The following GSK3B variants were observed in gnomAD, a reference collection of about 807,000 sequenced individuals.
GSK3B encodes glycogen synthase kinase-3 beta.
A neutral mutation model predicts 56.4 loss-of-function variants in GSK3B; 15 were observed. The ratio of observed to expected loss-of-function variants is 0.27; its 90% confidence interval spans 0.18 to 0.41. The LOEUF is 0.41. Among genes scored for constraint, GSK3B ranks in the 10% least tolerant of loss-of-function variants. The probability of loss-of-function intolerance (pLI) is 1.00; values close to 1 mark genes in which losing one functional copy is unlikely to be tolerated. For synonymous variants in GSK3B, 181 were observed against 188.9 expected (o/e 0.96, Z 0.34); for missense variants, 300 against 513.4 (o/e 0.58, Z 4.02).
At chr3:119,950,796 T>C (rs1421101278) in intron 2 of GSK3B, among the ~76,000 whole-genome samples, 2 of 152,170 alleles carry the variant, frequency 1.3e-5, no homozygotes, top group Non-Finnish European at 2.9e-5. Context: ...CTGCTAGATA[T>C]GACAGAACAG....
At position 120,093,755 on chromosome 3, in the gene GSK3B, C is replaced by T. The variant is rs1158256198; in HGVS notation, c.-321G>A. ...GCAAATCCTAAAAAAATATGTATCA[C>T]GTGAAACGGGGGCAAATACTTGATT... On this transcript the variant is annotated 5_prime_UTR_variant, in exon 1 of 11. The change creates a new upstream start codon in the 5' untranslated region. Coordinates refer to ENST00000264235, the MANE Select transcript of GSK3B (RefSeq NM_001146156.2). 2 of 291,596 alleles carry T rather than the reference C, an allele frequency of 6.9e-6. No individual in the cohort carries two copies. The highest frequency in any genetic ancestry group is 1.3e-5 in the Non-Finnish European group (2 of 155,976). The allele number at this position is 291,596 out of a possible 1,614,324, so 18.1% of individuals were successfully genotyped here.
At chr3:120,015,182 C>T (rs1006356577) in intron 1 of GSK3B, among the ~76,000 whole-genome samples, 1 of 152,132 alleles carries the variant, frequency 6.6e-6, no homozygotes, top group Non-Finnish European at 1.5e-5. Flanking sequence ...TTAGTGGGTG[C>T]TCAATAAATT....
intron 2 of GSK3B, among the ~76,000 whole-genome samples, chr3:119,954,359 G>C (rs1332463522): frequency 1.3e-5 from 2 of 152,130 alleles, no homozygotes; most frequent in Non-Finnish European, 2.9e-5. Context: ...GGAGGAATAA[G>C]AATAGAATAG....
At chr3:120,027,718 T>C (rs2057939971) in intron 1 of GSK3B, among the ~76,000 whole-genome samples, 2 of 152,206 alleles carry the variant, frequency 1.3e-5, no homozygotes, top group Non-Finnish European at 1.5e-5. Context: ...CAAATTGCTA[T>C]ATATTGTGAT....
At chr3:120,039,826 A>G (rs1361260033) in intron 1 of GSK3B, among the ~76,000 whole-genome samples, 1 of 152,196 alleles carries the variant, frequency 6.6e-6, no homozygotes. Context: ...CTTCTGCAGA[A>G]GTAAATTGCC....
chr3:120,077,731 T>C (rs1019184040), intron 1 of GSK3B, among the ~76,000 whole-genome samples: 9 of 152,148 alleles, frequency 5.9e-5, no homozygotes, highest in African/African-American at 1.9e-4. Context: ...TATTATAATA[T>C]GTATCATATT....
intron 7 of GSK3B, among the ~76,000 whole-genome samples, chr3:119,901,443 T>G (rs1486279810): frequency 1.3e-5 from 2 of 152,214 alleles, no homozygotes; most frequent in Non-Finnish European, 2.9e-5. Flanking sequence ...AAATCTGTTC[T>G]TATACTTTTA....
At chr3:119,928,985 CT>C (rs1328479280) in intron 3 of GSK3B, among the ~76,000 whole-genome samples, 5 of 152,132 alleles carry the variant, frequency 3.3e-5, no homozygotes, top group East Asian at 3.9e-4. Flanking sequence ...AATTAGTTAT[CT>C]TTTTTTCTTT....
intron 7 of GSK3B, among the ~76,000 whole-genome samples, chr3:119,882,111 GT>G (rs2056385370): frequency 6.6e-6 from 1 of 151,102 alleles, no homozygotes; most frequent in Non-Finnish European, 1.5e-5. Flanking sequence ...AATGTATAAT[GT>G]AAAAGTCAGG....
intron 2 of GSK3B, among the ~76,000 whole-genome samples, chr3:119,992,450 A>G (rs1174711325): frequency 1.3e-5 from 2 of 152,108 alleles, no homozygotes; most frequent in East Asian, 3.8e-4. Context: ...TCATACCATA[A>G]TAGGAATAAA....
chr3:119,948,284 A>C (rs1438776810), intron 2 of GSK3B, among the ~76,000 whole-genome samples: 1 of 152,212 alleles, frequency 6.6e-6, no homozygotes, highest in African/African-American at 2.4e-5. Flanking sequence ...AAAGAGGCCA[A>C]GAAGGATGGG....
chr3:120,026,389 T>C (rs1213920100), intron 1 of GSK3B, among the ~76,000 whole-genome samples: 1 of 152,128 alleles, frequency 6.6e-6, no homozygotes, highest in Non-Finnish European at 1.5e-5. Context: ...TCTATAGTAG[T>C]TGTTCTCAAC....
chr3:119,891,531 A>G (rs1033420173), intron 7 of GSK3B, among the ~76,000 whole-genome samples: 1 of 152,288 alleles, frequency 6.6e-6, no homozygotes, highest in Non-Finnish European at 1.5e-5. Context: ...TTTTATAGAT[A>G]AAAAAGATGT....
At chr3:119,985,083 C>T (rs1457451957) in intron 2 of GSK3B, among the ~76,000 whole-genome samples, 3 of 152,142 alleles carry the variant, frequency 2.0e-5, no homozygotes, top group Admixed American at 1.3e-4. Context: ...GAACCAAAGA[C>T]AAAAACCACA....
At chr3:120,013,553 G>C (rs550028373) in intron 1 of GSK3B, among the ~76,000 whole-genome samples, 1 of 152,266 alleles carries the variant, frequency 6.6e-6, no homozygotes, top group Admixed American at 6.5e-5. Context: ...TTCACCTCAA[G>C]AATGAAGTCT....
At chr3:119,875,160 C>T (rs1342408218) in intron 8 of GSK3B, among the ~76,000 whole-genome samples, 1 of 151,884 alleles carries the variant, frequency 6.6e-6, no homozygotes, top group Non-Finnish European at 1.5e-5. Flanking sequence ...AATTCTGGCA[C>T]TAAAATACTA....
At chr3:119,832,466 G>C (rs994364379) in intron 10 of GSK3B, among the ~76,000 whole-genome samples, 3 of 152,180 alleles carry the variant, frequency 2.0e-5, no homozygotes, top group Admixed American at 2.0e-4. Flanking sequence ...TAAATGTTGG[G>C]GGGGTAAACT....
At chr3:120,069,571 C>T (rs543271148) in intron 1 of GSK3B, among the ~76,000 whole-genome samples, 147 of 151,416 alleles carry the variant, frequency 9.7e-4, no homozygotes, top group Non-Finnish European at 1.6e-3. Flanking sequence ...GTGGTATGTC[C>T]ATCATATTTG....
At chr3:119,903,969 G>A (rs894145779) in intron 7 of GSK3B, among the ~76,000 whole-genome samples, 1 of 152,032 alleles carries the variant, frequency 6.6e-6, no homozygotes, top group African/African-American at 2.4e-5. Flanking sequence ...AGAATTAACA[G>A]ATTTGCCATC....
Sources: gnomAD v4.1 joint callset for allele counts (sites outside exome capture counted in the v4.1 genomes callset) on GRCh38, gnomAD v4.1.1 for gene constraint, MANE v1.5 for transcripts, NCBI Gene and HGNC (gene_info 2026-07-23, HGNC 2026-07-21) for gene names.